Variants in LRRC4C observed in about 807,000 individuals in gnomAD.
LRRC4C encodes the protein leucine rich repeat containing 4C, also known as leucine-rich repeat-containing protein 4C.
LRRC4C carries 5 observed loss-of-function variants against 33.6 expected under a neutral mutation model. The ratio of observed to expected loss-of-function variants is 0.15; its 90% CI spans 0.08 to 0.31. The LOEUF is 0.31. Among genes scored for constraint, LRRC4C ranks in the 10% least tolerant of loss-of-function variants. LRRC4C has a pLI of 1.00. For missense variants in LRRC4C, 560 were observed against 796.7 expected (o/e 0.70, Z 3.58); for synonymous variants, 329 against 302.0 (o/e 1.09, Z -0.93).
At chr11:40,683,026 G>T (rs1395519140) in intron 2 of LRRC4C, among the ~76,000 whole-genome samples, 1 of 152,112 alleles carries the variant, frequency 6.6e-6, no homozygotes, top group African/African-American at 2.4e-5. Flanking sequence ...AAGAAATAAA[G>T]AAACGGTTAC....
At chr11:40,762,618 T>C (rs1470667296) in intron 2 of LRRC4C, among the ~76,000 whole-genome samples, 2 of 152,110 alleles carry the variant, frequency 1.3e-5, no homozygotes, top group Admixed American at 6.6e-5. Flanking sequence ...ACAAGTCTAA[T>C]GTAGTATTTT....
At chr11:41,160,124 G>T (rs1270646896) in intron 1 of LRRC4C, among the ~76,000 whole-genome samples, 2 of 152,040 alleles carry the variant, frequency 1.3e-5, no homozygotes, top group Non-Finnish European at 1.5e-5. Context: ...GAGGGGGAAA[G>T]TGAAAAGAGA....
chr11:40,778,050 A>G (rs1206159408), intron 2 of LRRC4C, among the ~76,000 whole-genome samples: 1 of 152,120 alleles, frequency 6.6e-6, no homozygotes, highest in Non-Finnish European at 1.5e-5. Context: ...CATTTAGGCC[A>G]TTTACATTCA....
chr11:40,357,121 T>A (rs988166019), intron 3 of LRRC4C, among the ~76,000 whole-genome samples: 1 of 152,100 alleles, frequency 6.6e-6, no homozygotes, highest in Non-Finnish European at 1.5e-5. Context: ...TATTAAGAAA[T>A]TTTAGGTTAA....
chr11:40,241,265 C>G (rs529343663), intron 5 of LRRC4C, among the ~76,000 whole-genome samples: 1 of 152,180 alleles, frequency 6.6e-6, no homozygotes, highest in South Asian at 2.1e-4. Flanking sequence ...ACCCGTGGTG[C>G]TAGCTACTCG....
chr11:40,696,748 GTATATATATATA>G (rs57752272), intron 2 of LRRC4C, among the ~76,000 whole-genome samples: 26 of 125,882 alleles, frequency 2.1e-4, no homozygotes, highest in South Asian at 4.9e-4. Flanking sequence ...TATACACTGT[GTATATATATATA>G]TATATATATA....
At chr11:40,201,730 T>A (rs550660658) in intron 5 of LRRC4C, among the ~76,000 whole-genome samples, 3 of 152,138 alleles carry the variant, frequency 2.0e-5, no homozygotes, top group African/African-American at 7.2e-5. Context: ...GGGAAATCCA[T>A]TCTAGAGGGA....
intron 3 of LRRC4C, among the ~76,000 whole-genome samples, chr11:40,524,655 G>C (rs1955964369): frequency 6.6e-6 from 1 of 152,132 alleles, no homozygotes; most frequent in South Asian, 2.1e-4. Flanking sequence ...TATTATGTTT[G>C]GCTCATTTCT....
intron 1 of LRRC4C, among the ~76,000 whole-genome samples, chr11:40,953,253 G>C (rs1006253962): frequency 6.6e-6 from 1 of 151,726 alleles, no homozygotes; most frequent in Admixed American, 6.6e-5. Flanking sequence ...ATAATTATTC[G>C]ATCTGCAGAT....
At chr11:40,175,701 C>G (rs1371410209) in intron 5 of LRRC4C, among the ~76,000 whole-genome samples, 1 of 152,190 alleles carries the variant, frequency 6.6e-6, no homozygotes, top group East Asian at 1.9e-4. Context: ...CAAAGCACCA[C>G]AGCCTCCCTT....
intron 1 of LRRC4C, among the ~76,000 whole-genome samples, chr11:41,246,549 G>T (rs1255202354): frequency 6.6e-6 from 1 of 152,150 alleles, no homozygotes; most frequent in African/African-American, 2.4e-5. Flanking sequence ...GAAGCGGGCG[G>T]GGCTTCCACC....
chr11:41,340,806 G>A (rs1161568891), intron 1 of LRRC4C, among the ~76,000 whole-genome samples: 1 of 152,168 alleles, frequency 6.6e-6, no homozygotes, highest in Admixed American at 6.5e-5. Flanking sequence ...CTTCACACAT[G>A]GTGTGCACTT....
intron 2 of LRRC4C, among the ~76,000 whole-genome samples, chr11:40,695,767 C>T (rs1464661010): frequency 6.6e-6 from 1 of 152,080 alleles, no homozygotes; most frequent in African/African-American, 2.4e-5. Context: ...ATTACATCTC[C>T]TTCTCTGCCC....
At chr11:40,623,384 TGCCATTCTA>T (rs1962642907) in intron 3 of LRRC4C, among the ~76,000 whole-genome samples, 1 of 152,080 alleles carries the variant, frequency 6.6e-6, no homozygotes, top group African/African-American at 2.4e-5. Flanking sequence ...ATTGTCTTGA[TGCCATTCTA>T]GCAACAGGGG....
intron 1 of LRRC4C, among the ~76,000 whole-genome samples, chr11:41,416,894 T>A (rs890566190): frequency 1.3e-5 from 2 of 152,002 alleles, no homozygotes; most frequent in African/African-American, 2.4e-5. Flanking sequence ...ATGTTTTCCA[T>A]CTCTTGTGGC....
At chr11:40,230,315 G>A (rs1865110257) in intron 5 of LRRC4C, among the ~76,000 whole-genome samples, 1 of 152,216 alleles carries the variant, frequency 6.6e-6, no homozygotes, top group Non-Finnish European at 1.5e-5. Flanking sequence ...TTAATTTTCT[G>A]AGCTTTCTCT....
chr11:40,977,020 C>T (rs1565262594), intron 1 of LRRC4C, among the ~76,000 whole-genome samples: 1 of 151,910 alleles, frequency 6.6e-6, no homozygotes, highest in Non-Finnish European at 1.5e-5. Context: ...CTAGATGGTC[C>T]CATCTGGGGC....
chr11:40,303,778 C>G (rs969870490), intron 4 of LRRC4C, among the ~76,000 whole-genome samples: 1 of 152,140 alleles, frequency 6.6e-6, no homozygotes, highest in African/African-American at 2.4e-5. Flanking sequence ...GTGTTAAACT[C>G]TGGGCCTCAG....
At chr11:40,856,046 T>C (rs1413495801) in intron 2 of LRRC4C, among the ~76,000 whole-genome samples, 1 of 152,170 alleles carries the variant, frequency 6.6e-6, no homozygotes, top group Non-Finnish European at 1.5e-5. Context: ...CTGTGGTAAA[T>C]ACTCCAGTTA....
Sources: gnomAD v4.1 joint callset for allele counts (sites outside exome capture counted in the v4.1 genomes callset) on GRCh38, gnomAD v4.1.1 for gene constraint, MANE v1.5 for transcripts, NCBI Gene and HGNC (gene_info 2026-07-23, HGNC 2026-07-21) for gene names.